The following EPM2A variants were observed in gnomAD, a reference collection of about 807,000 sequenced individuals.
EPM2A encodes the protein EPM2A glucan phosphatase, laforin.
EPM2A carries 21 observed loss-of-function variants against 26.5 expected under a neutral mutation model. That is an observed-to-expected ratio of 0.79 (90% CI 0.56 to 1.14). The LOEUF (loss-of-function observed/expected upper bound fraction) is 1.14. Ranked by LOEUF, EPM2A falls within the 50% of genes most tolerant of loss-of-function variation. The pLI, the probability that EPM2A is intolerant of heterozygous loss-of-function variation, is 0.00. For synonymous variants in EPM2A, 217 were observed against 177.6 expected (o/e 1.22, Z -1.76); for missense variants, 458 against 440.8 (o/e 1.04, Z -0.35).
rs565779489 is a variant in EPM2A at position 145,580,326 on chromosome 6, G to A, written c.340+54919C>T. On this transcript the variant is annotated intron_variant, in intron 2 of 3. Transcript: ENST00000450221. Reference sequence around the variant, plus strand: ...TTAAATGATTAGCATTTGAAATACAGCTTAAAATATTTAAAACCATAAAGA... The same window carrying A: ...TTAAATGATTAGCATTTGAAATACAACTTAAAATATTTAAAACCATAAAGA... Among the ~76,000 whole-genome samples the A allele has an allele frequency of 1.7e-4, 26 of 152,086 alleles. No individual in the cohort carries two copies. The East Asian group carries it at 4.8e-3, about 28-fold the overall frequency.
chr6:145,397,266 A>T (rs550258805), intron 4 of EPM2A, among the ~76,000 whole-genome samples: 12 of 152,010 alleles, frequency 7.9e-5, no homozygotes, highest in African/African-American at 2.7e-4. Context: ...ACACGTCTCT[A>T]CTAAAAGTGA....
intron 4 of EPM2A, among the ~76,000 whole-genome samples, chr6:145,480,053 A>G (rs1310437388): frequency 6.6e-6 from 1 of 152,032 alleles, no homozygotes; most frequent in East Asian, 1.9e-4. Context: ...CCATTCATAT[A>G]TCTTCTTTCA....
chr6:145,559,497 A>G (rs1314525342), intron 2 of EPM2A, among the ~76,000 whole-genome samples: 1 of 152,062 alleles, frequency 6.6e-6, no homozygotes, highest in African/African-American at 2.4e-5. Context: ...CAAATAAAGG[A>G]TAGAGACTAA....
chr6:145,700,476 G>C (rs1781850321), intron 1 of EPM2A, among the ~76,000 whole-genome samples: 2 of 151,914 alleles, frequency 1.3e-5, no homozygotes, highest in Non-Finnish European at 2.9e-5. Context: ...ATCTATATCA[G>C]TATTAGTCTC....
intron 4 of EPM2A, among the ~76,000 whole-genome samples, chr6:145,461,678 C>A (rs985613282): frequency 2.0e-5 from 3 of 152,078 alleles, no homozygotes; most frequent in African/African-American, 4.8e-5. Flanking sequence ...TAAATAAAGT[C>A]TCTGAAAAGA....
intron 4 of EPM2A, among the ~76,000 whole-genome samples, chr6:145,448,722 T>C (rs1779155779): frequency 6.6e-6 from 1 of 152,190 alleles, no homozygotes; most frequent in South Asian, 2.1e-4. Context: ...CTTTGAACCA[T>C]TGCTTATCTT....
At chr6:145,518,595 C>CAAAAAAA (rs55802475) in intron 2 of EPM2A, among the ~76,000 whole-genome samples, 11 of 102,668 alleles carry the variant, frequency 1.1e-4, no homozygotes, top group East Asian at 2.9e-4. Context: ...TGAAATGCAC[C>CAAAAAAA]AAAAAAAAAA....
At chr6:145,651,876 T>C (rs1483143683) in intron 2 of EPM2A, among the ~76,000 whole-genome samples, 10 of 152,128 alleles carry the variant, frequency 6.6e-5, no homozygotes, top group Non-Finnish European at 1.2e-4. Flanking sequence ...CTGCAGAAGA[T>C]GTTGTATGTT....
In EPM2A at chr6:145,627,019, A is replaced by G. The variant is rs1775858192; in HGVS notation, c.*397T>C. On this transcript the variant is annotated 3_prime_UTR_variant, in exon 4 of 4. Transcript: ENST00000367519. ...CACACATACTAGTGATGAAATCCAC[A>G]TAACTCCATATCTTTTCCTCTACAT... 4 of 1,124,708 alleles carry G rather than the reference A, an allele frequency of 3.6e-6. No homozygotes were observed. Among genetic ancestry groups the G allele is most frequent in the Middle Eastern group, 4.0e-4 (1 of 2,476 alleles). The allele number at this position is 1,124,708 out of a possible 1,614,324, so 69.7% of individuals were successfully genotyped here.
intron 4 of EPM2A, among the ~76,000 whole-genome samples, chr6:145,495,000 G>A (rs1356731343): frequency 3.3e-5 from 5 of 152,054 alleles, no homozygotes; most frequent in East Asian, 3.9e-4. Flanking sequence ...GATACCTATC[G>A]GGTCCCTTTG....
intron 2 of EPM2A, among the ~76,000 whole-genome samples, chr6:145,544,190 A>G (rs934121125): frequency 2.6e-5 from 4 of 152,274 alleles, no homozygotes; most frequent in African/African-American, 9.6e-5. Flanking sequence ...AGTGGGTCTG[A>G]TTCCCTAACC....
At chr6:145,436,312 A>T (rs978417082) in intron 4 of EPM2A, among the ~76,000 whole-genome samples, 2 of 152,222 alleles carry the variant, frequency 1.3e-5, no homozygotes, top group Non-Finnish European at 2.9e-5. Flanking sequence ...GTTCATAGAC[A>T]AGATTTTGTG....
chr6:145,477,424 CTA>C (rs1425853187), intron 4 of EPM2A, among the ~76,000 whole-genome samples: 1 of 151,776 alleles, frequency 6.6e-6, no homozygotes, highest in African/African-American at 2.4e-5. Context: ...CAAAGTCATT[CTA>C]TGAGTCCAGT....
intron 2 of EPM2A, among the ~76,000 whole-genome samples, chr6:145,602,912 A>G (rs1259406650): frequency 6.6e-6 from 1 of 152,184 alleles, no homozygotes; most frequent in East Asian, 1.9e-4. Flanking sequence ...GAGGTTTTGG[A>G]AGGAATCCAC....
chr6:145,562,814 A>G (rs910687175), intron 2 of EPM2A, among the ~76,000 whole-genome samples: 48 of 152,060 alleles, frequency 3.2e-4, no homozygotes, highest in African/African-American at 1.1e-3. Flanking sequence ...TTTGAAGACT[A>G]TGATGTGGAA....
intron 2 of EPM2A, among the ~76,000 whole-genome samples, chr6:145,616,554 A>G (rs1438540261): frequency 6.6e-6 from 1 of 152,176 alleles, no homozygotes; most frequent in East Asian, 1.9e-4. Context: ...AGACCCCAGA[A>G]TGGTAGATCC....
Position 145,718,449 on chromosome 6 carries a change from A to C in EPM2A, c.301+16749T>G, listed in dbSNP as rs555519530. On this transcript the variant is annotated intron_variant, in intron 1 of 3. Transcript: ENST00000367519. Reference sequence around the variant, plus strand: ...AGCTGAAACTGGATCCCTTCCTTACACTTTATACAAAAATCAATTCAAGAC... The same window carrying C: ...AGCTGAAACTGGATCCCTTCCTTACCCTTTATACAAAAATCAATTCAAGAC... 5.2e-3 allele frequency among the ~76,000 whole-genome samples: 790 copies of C among 151,422 alleles called. 4 individuals carry two copies. The highest frequency in any genetic ancestry group is 0.018 in the African/African-American group (756 of 41,166).
intron 2 of EPM2A, among the ~76,000 whole-genome samples, chr6:145,548,700 C>T (rs1780615791): frequency 6.6e-6 from 1 of 152,088 alleles, no homozygotes; most frequent in African/African-American, 2.4e-5. Flanking sequence ...CTGAAGACAC[C>T]TCATCTATCT....
intron 1 of EPM2A, among the ~76,000 whole-genome samples, chr6:145,721,927 T>C (rs1330865877): frequency 1.3e-5 from 2 of 152,210 alleles, no homozygotes; most frequent in African/African-American, 4.8e-5. Context: ...TTCATAACTT[T>C]TGTCTCTTCT....
Sources: allele counts gnomAD v4.1 joint callset (sites outside exome capture counted in the v4.1 genomes callset), GRCh38; gene constraint gnomAD v4.1.1; transcripts MANE v1.5; gene names NCBI Gene and HGNC (gene_info 2026-07-23, HGNC 2026-07-21).